DNAH6: variants seen among roughly 807,000 people sequenced by gnomAD.
DNAH6 encodes dynein axonemal heavy chain 6, also known as axonemal beta dynein heavy chain 6.
A neutral mutation model predicts 491.4 loss-of-function variants in DNAH6; 340 were observed. The ratio of observed to expected loss-of-function variants is 0.69; its 90% CI spans 0.63 to 0.76. The LOEUF (loss-of-function observed/expected upper bound fraction) is 0.76, where lower values mean the gene tolerates loss of function less well. Ranked by LOEUF, DNAH6 falls within the 30% of genes least tolerant of loss-of-function variation. The pLI is 0.00. For synonymous variants in DNAH6, 1,603 were observed against 1,686.1 expected (o/e 0.95, Z 1.21); for missense variants, 4,443 against 4,972.2 (o/e 0.89, Z 3.20).
intron 65 of DNAH6, among the ~76,000 whole-genome samples, chr2:84,783,066 A>G (rs1446157704): frequency 6.6e-6 from 1 of 152,206 alleles, no homozygotes; most frequent in Non-Finnish European, 1.5e-5. Context: ...TTAAGTTCTG[A>G]TGTTTAACTT....
chr2:84,532,071 C>T (rs17025186), intron 4 of DNAH6, among the ~76,000 whole-genome samples: 3,589 of 152,110 alleles, frequency 0.024, 57 homozygotes, highest in Middle Eastern at 0.088. Flanking sequence ...ATTTGTGATG[C>T]TCATTTTCCA....
At chr2:84,578,802 C>A (rs1255199617) in intron 13 of DNAH6, among the ~76,000 whole-genome samples, 2 of 152,126 alleles carry the variant, frequency 1.3e-5, no homozygotes, top group Non-Finnish European at 2.9e-5. Flanking sequence ...AAGGGAGGAA[C>A]CTGATAGAAA....
intron 33 of DNAH6, among the ~76,000 whole-genome samples, chr2:84,652,226 A>T (rs1324783972): frequency 6.6e-6 from 1 of 152,132 alleles, no homozygotes; most frequent in Non-Finnish European, 1.5e-5. Context: ...TCTTCCAAAG[A>T]TGACTTACCC....
At chr2:84,666,456 T>C (rs1692136024) in intron 37 of DNAH6, among the ~76,000 whole-genome samples, 1 of 151,964 alleles carries the variant, frequency 6.6e-6, no homozygotes, top group Non-Finnish European at 1.5e-5. Flanking sequence ...TATACACCAA[T>C]AAGAGACAAA....
Position 84,677,091 on chromosome 2 carries a change from G to A in DNAH6, c.6699G>A (p.Leu2233=). 2.6e-6 allele frequency: 4 copies of A among 1,551,736 alleles called. No homozygotes were observed. The South Asian group carries it at 3.6e-5, about 14-fold the overall frequency. ...GCTTCATCAGACACTTCAGCATGCT[G>A]TGCCTCCCAATGCCCTCAGAGCACA... The part of the protein sequence containing the change: ...TPRFIRHFSM[L]CLPMPSEHSL... Residue 2233 remains leucine (L), a synonymous_variant, in exon 41 of 77, where the codon CTG becomes CTA. Coordinates refer to ENST00000389394, the MANE Select transcript of DNAH6 (RefSeq NM_001370.2).
intron 75 of DNAH6, 61 bp downstream of exon 75, chr2:84,814,183 A>G (rs925262953): frequency 4.0e-6 from 6 of 1,510,062 alleles, no homozygotes; most frequent in Middle Eastern, 3.9e-4. Flanking sequence ...TGAAGATTTC[A>G]GACAACCTTC....
chr2:84,812,560 T>A, intron 73 of DNAH6, 34 bp downstream of exon 73: 2 of 1,530,322 alleles, frequency 1.3e-6, no homozygotes, highest in Non-Finnish European at 1.8e-6. Flanking sequence ...TTTTGATGAA[T>A]CTGATGGCAT....
intron 4 of DNAH6, among the ~76,000 whole-genome samples, chr2:84,530,785 T>C (rs980459276): frequency 6.6e-6 from 1 of 152,116 alleles, no homozygotes; most frequent in Non-Finnish European, 1.5e-5. Context: ...TTTACAGACA[T>C]TGTGTAGGGT....
At chr2:84,753,037 C>G (rs1256354186) in intron 63 of DNAH6, among the ~76,000 whole-genome samples, 2 of 152,188 alleles carry the variant, frequency 1.3e-5, no homozygotes, top group African/African-American at 4.8e-5. Context: ...TATGAGGGTT[C>G]CAATTTCTCC....
At chr2:84,730,771 C>T (rs1044897220) in intron 61 of DNAH6, among the ~76,000 whole-genome samples, 2 of 152,114 alleles carry the variant, frequency 1.3e-5, no homozygotes, top group Admixed American at 1.3e-4. Context: ...AATCTATTTC[C>T]TGGAAAATTC....
chr2:84,668,279 G>T (rs1248227935), intron 37 of DNAH6, among the ~76,000 whole-genome samples: 1 of 152,136 alleles, frequency 6.6e-6, no homozygotes, highest in Non-Finnish European at 1.5e-5. Flanking sequence ...AATAAAAAAA[G>T]AAAGTAGAGT....
chr2:84,540,584 A>C (rs553439572), intron 4 of DNAH6, among the ~76,000 whole-genome samples: 1 of 152,188 alleles, frequency 6.6e-6, no homozygotes, highest in African/African-American at 2.4e-5. Context: ...GAGGGGTTCT[A>C]AGCCCCAAAG....
intron 70 of DNAH6, 67 bp downstream of exon 70, chr2:84,797,725 A>C: frequency 3.4e-6 from 4 of 1,189,988 alleles, no homozygotes; most frequent in Non-Finnish European, 4.8e-6. Context: ...ATCAATAATC[A>C]CCCCCACTCA....
At chr2:84,736,784 A>G (rs913191105) in intron 62 of DNAH6, among the ~76,000 whole-genome samples, 1 of 152,008 alleles carries the variant, frequency 6.6e-6, no homozygotes, top group Non-Finnish European at 1.5e-5. Context: ...GTGAAGAGAG[A>G]TCATTTGACT....
At chr2:84,731,500 C>T (rs1252174499) in intron 61 of DNAH6, among the ~76,000 whole-genome samples, 3 of 152,226 alleles carry the variant, frequency 2.0e-5, no homozygotes, top group South Asian at 2.1e-4. Context: ...CCATCCATGG[C>T]GTACTCAGCT....
intron 63 of DNAH6, among the ~76,000 whole-genome samples, chr2:84,745,482 G>A (rs1672882098): frequency 1.3e-5 from 2 of 152,094 alleles, no homozygotes; most frequent in African/African-American, 2.4e-5. Flanking sequence ...TGGCTAACAC[G>A]GTGAAACCGC....
intron 63 of DNAH6, among the ~76,000 whole-genome samples, chr2:84,759,730 A>C (rs576933621): frequency 9.8e-4 from 149 of 152,270 alleles, no homozygotes; most frequent in African/African-American, 3.4e-3. Flanking sequence ...CCTAAAAAAT[A>C]CCAACATCAC....
intron 2 of DNAH6, among the ~76,000 whole-genome samples, chr2:84,519,777 G>T: frequency 6.7e-6 from 1 of 149,816 alleles, no homozygotes; most frequent in Non-Finnish European, 1.5e-5. Context: ...CCTTTTCTAT[G>T]CCATCTAACA....
At chr2:84,700,063 AAAG>A (rs1177822905) in intron 48 of DNAH6, among the ~76,000 whole-genome samples, 4 of 152,206 alleles carry the variant, frequency 2.6e-5, no homozygotes, top group Non-Finnish European at 5.9e-5. Context: ...GTTTTGCCCC[AAAG>A]GAAAGCAGAG....
Sources: gnomAD v4.1 joint callset for allele counts (sites outside exome capture counted in the v4.1 genomes callset) on GRCh38, gnomAD v4.1.1 for gene constraint, MANE v1.5 for transcripts, NCBI Gene and HGNC (gene_info 2026-07-23, HGNC 2026-07-21) for gene names.